BAZ1B: variants seen among roughly 807,000 people sequenced by gnomAD.
BAZ1B encodes tyrosine-protein kinase BAZ1B.
Under a neutral mutation model 153.8 loss-of-function variants are expected in BAZ1B, and 22 were observed. The observed-to-expected ratio is 0.14, with a 90% CI of 0.10 to 0.20. The LOEUF is 0.20. Among genes scored for constraint, BAZ1B ranks in the 10% least tolerant of loss-of-function variants. The probability of loss-of-function intolerance (pLI) is 1.00; values close to 1 mark genes in which losing one functional copy is unlikely to be tolerated. For synonymous variants in BAZ1B, 676 were observed against 633.4 expected (o/e 1.07, Z -1.01); for missense variants, 1,325 against 1,799.3 (o/e 0.74, Z 4.77).
In BAZ1B at chr7:73,477,647, G is replaced by A. The variant is rs1554573050; in HGVS notation, c.1814C>T (p.Thr605Met). 1.2e-6 allele frequency: 2 copies of A among 1,614,082 alleles called. No homozygotes were observed. Among genetic ancestry groups the A allele is most frequent in the African/African-American group, 1.3e-5 (1 of 74,926 alleles). Residue 605 changes from threonine to methionine, a missense_variant, in exon 7 of 20, where the codon ACG becomes ATG. Transcript: ENST00000339594. The surrounding 1 kb of genome is among the most constrained non-coding windows in gnomAD (Gnocchi z 5.6). The part of the protein sequence containing the change: ...LVDTPEGLPN[T>M]LFGDVAMVVE... ...CACCATGGCCACATCCCCAAACAGC[G>A]TGTTGGGCAGCCCTTCAGGGGTATC... is the stretch of plus-strand genomic sequence containing the variant.
At chr7:73,516,935 C>T (rs1554579429) in intron 1 of BAZ1B, among the ~76,000 whole-genome samples, 1 of 151,748 alleles carries the variant, frequency 6.6e-6, no homozygotes, top group Non-Finnish European at 1.5e-5. Flanking sequence ...AATCCCAGCA[C>T]TTTGGGAGGC....
chr7:73,473,766 T>C (rs969641249), intron 7 of BAZ1B, among the ~76,000 whole-genome samples: 11 of 152,132 alleles, frequency 7.2e-5, no homozygotes, highest in African/African-American at 2.2e-4. Flanking sequence ...AGCAGGAAGA[T>C]TGCTTGAGTT....
At chr7:73,498,728 G>A (rs1357876004) in intron 3 of BAZ1B, 30 bp from the exon 4 acceptor site, 2 of 1,592,796 alleles carry the variant, frequency 1.3e-6, no homozygotes, top group Non-Finnish European at 1.7e-6. Context: ...GAAAATCAGA[G>A]ATAATAAACA....
chr7:73,512,710 CA>C (rs1264491572), intron 1 of BAZ1B, among the ~76,000 whole-genome samples: 32 of 152,306 alleles, frequency 2.1e-4, no homozygotes, highest in African/African-American at 7.7e-4. Context: ...AATCAACTGA[CA>C]TAAGTAGAAA....
intron 14 of BAZ1B, 58 bp from the exon 15 acceptor site, chr7:73,449,747 G>A: frequency 6.4e-7 from 1 of 1,567,260 alleles, no homozygotes; most frequent in South Asian, 1.2e-5. Context: ...TCAATGAGCT[G>A]TAAGGAAGAG....
intron 3 of BAZ1B, among the ~76,000 whole-genome samples, chr7:73,505,632 A>G (rs540305975): frequency 0.018 from 1,751 of 95,516 alleles, 31 homozygotes; most frequent in African/African-American, 0.072. Context: ...CCTGAGAGGG[A>G]AAAAAAAAAA....
At chr7:73,491,133 A>G (rs1012996914) in intron 5 of BAZ1B, among the ~76,000 whole-genome samples, 4 of 151,888 alleles carry the variant, frequency 2.6e-5, no homozygotes, top group South Asian at 2.1e-4. Context: ...TAAAAATACA[A>G]AACTTAGCCG....
rs188919565 is a variant in BAZ1B, at chr7:73,502,971, T to C, written c.370-4273A>G. On this transcript the variant is annotated intron_variant, in intron 3 of 19. Transcript: ENST00000339594. ...TTTCAAGTTCACATTTTTTCTGCTA[T>C]AGAGTATTGTGTGGCTTAACAATTT... is the stretch of plus-strand genomic sequence containing the variant. Among the ~76,000 whole-genome samples the C allele has an allele frequency of 3.9e-5, 6 of 152,346 alleles. No homozygotes were observed. The East Asian group carries it at 7.7e-4, about 20-fold the overall frequency.
At chr7:73,451,144 C>A in intron 13 of BAZ1B, 150 bp from the exon 14 acceptor site, 1 of 1,098,748 alleles carries the variant, frequency 9.1e-7, no homozygotes, top group Non-Finnish European at 1.2e-6. Flanking sequence ...TAAAAGGCTC[C>A]AAAGGGGGAA....
At chr7:73,492,414 G>A (rs528109473) in intron 5 of BAZ1B, among the ~76,000 whole-genome samples, 6 of 151,622 alleles carry the variant, frequency 4.0e-5, no homozygotes, top group Admixed American at 2.6e-4. Context: ...CGCCCACCTC[G>A]GCCTCCCAAA....
At chr7:73,457,871 A>T (rs1381561511) in intron 13 of BAZ1B, among the ~76,000 whole-genome samples, 1 of 152,290 alleles carries the variant, frequency 6.6e-6, no homozygotes, top group South Asian at 2.1e-4. Context: ...CACACTCAGA[A>T]GCTGGAAGGA....
intron 2 of BAZ1B, among the ~76,000 whole-genome samples, chr7:73,510,297 C>T (rs782144716): frequency 7.9e-5 from 12 of 151,234 alleles, no homozygotes; most frequent in Non-Finnish European, 8.9e-5. Context: ...GGCTTGGTGG[C>T]GAGCACCTGT....
At chr7:73,489,800 GAA>G in intron 5 of BAZ1B, among the ~76,000 whole-genome samples, 1 of 152,144 alleles carries the variant, frequency 6.6e-6, no homozygotes, top group Non-Finnish European at 1.5e-5. Context: ...CTGAGAGACA[GAA>G]AACGGAGAAT....
rs1015792322 is a variant in BAZ1B at position 73,466,360 on chromosome 7, G to T, written c.2908C>A (p.Gln970Lys). ...GCAACTTCTGTTGCTGTTCCATGTT[G>T]TGTGTTCATGCTTGCATTTTTACCT... ...NLGKNASMNT[Q>K]HGTATEVAVE... Residue 970 changes from glutamine (Q) to lysine (K), a missense_variant, in exon 10 of 20, where the codon CAA (glutamine) becomes AAA (lysine). Gln to Lys is a moderately conservative substitution (Grantham distance 53). This residue lies in a region of BAZ1B where 431 missense variants were observed against 563.5 expected (regional missense o/e 0.76). Transcript: ENST00000339594. The T allele has an allele frequency of 6.2e-7, 1 of 1,613,966 alleles. No homozygotes were observed.
rs1264766199 is a variant in BAZ1B, at chr7:73,521,830, C to T, written c.104G>A (p.Arg35Gln). Residue 35 changes from arginine (R) to glutamine (Q), a missense_variant, in exon 1 of 20, where the codon CGG becomes CAG. Transcript: ENST00000339594. ...CCGCGCGGCTGGAAAAGGATACTCC[C>T]GGGTGCGGAAGGCCTCCTGAGTGTG... ...IPHTQEAFRT[R>Q]EEYEARLERY... is the part of the protein sequence containing the mutation. The T allele has an allele frequency of 9.3e-6, 14 of 1,497,372 alleles. No homozygotes were observed. Among genetic ancestry groups the T allele is most frequent in the African/African-American group, 1.5e-5 (1 of 68,330 alleles). The allele number at this position is 1,497,372 out of a possible 1,614,324, so 92.8% of individuals were successfully genotyped here. A position where few individuals can be genotyped will look rare whatever the true frequency, so the allele number is the denominator to read the frequency against.
chr7:73,448,129 A>G (rs1787904672), intron 15 of BAZ1B, among the ~76,000 whole-genome samples: 1 of 152,172 alleles, frequency 6.6e-6, no homozygotes, highest in Admixed American at 6.5e-5. Context: ...ACATGGAGAA[A>G]CCCCATCTCT....
intron 8 of BAZ1B, 73 bp from the exon 9 acceptor site, chr7:73,469,723 G>GATA: frequency 6.5e-7 from 1 of 1,545,080 alleles, no homozygotes; most frequent in South Asian, 1.1e-5. Context: ...TGCTGGAGAA[G>GATA]ATAATACAGA....
chr7:73,495,113 G>A lies in BAZ1B; in HGVS notation c.572-2192C>T, dbSNP rs141881124. Among the ~76,000 whole-genome samples, 62 of 152,216 alleles carry A rather than the reference G, an allele frequency of 4.1e-4. 1 individual carries two copies. Among genetic ancestry groups the A allele is most frequent in the African/African-American group, 1.3e-3 (54 of 41,554 alleles). ...AGCCTGGCCAGCATGGTGAAACCCC[G>A]TCTCTACTAAAAATACAAAATTAGC... On this transcript the variant is annotated intron_variant, in intron 4 of 19. Transcript: ENST00000339594.
At chr7:73,474,083 G>A (rs1341236437) in intron 7 of BAZ1B, among the ~76,000 whole-genome samples, 1 of 152,176 alleles carries the variant, frequency 6.6e-6, no homozygotes, top group Non-Finnish European at 1.5e-5. Flanking sequence ...CATAAAGACA[G>A]ACATACAGAT....
Sources: gnomAD v4.1 joint callset for allele counts (sites outside exome capture counted in the v4.1 genomes callset) on GRCh38, gnomAD v4.1.1 for gene constraint, gnomAD v4.1.1 regional missense constraint, Gnocchi (gnomAD v3.1) non-coding constraint, MANE v1.5 for transcripts, NCBI Gene and HGNC (gene_info 2026-07-23, HGNC 2026-07-21) for gene names.